The following SAMD12 variants were observed in gnomAD, a reference collection of about 807,000 sequenced individuals.
SAMD12 encodes the protein sterile alpha motif domain-containing protein 12.
A neutral mutation model predicts 15.0 loss-of-function variants in SAMD12; 9 were observed. The observed-to-expected ratio is 0.60, with a 90% CI of 0.36 to 1.05. The LOEUF (loss-of-function observed/expected upper bound fraction) is 1.05, where lower values mean the gene tolerates loss of function less well. Among genes scored for constraint, SAMD12 ranks in the 50% least tolerant of loss-of-function variants. The pLI is 0.01. For synonymous variants in SAMD12, 86 were observed against 90.1 expected (o/e 0.96, Z 0.25); for missense variants, 230 against 234.2 (o/e 0.98, Z 0.12).
intron 2 of SAMD12, among the ~76,000 whole-genome samples, chr8:118,450,828 A>C (rs1407503103): frequency 6.6e-6 from 1 of 152,104 alleles, no homozygotes; most frequent in African/African-American, 2.4e-5. Flanking sequence ...GGTTTCTGAG[A>C]TATATTTCCA....
intron 2 of SAMD12, among the ~76,000 whole-genome samples, chr8:118,455,160 G>A (rs908841388): frequency 1.3e-5 from 2 of 152,022 alleles, no homozygotes; most frequent in South Asian, 4.2e-4. Flanking sequence ...GCTAATTCCA[G>A]TGTTACTTCT....
chr8:118,432,813 AG>A (rs1410284860), intron 3 of SAMD12, among the ~76,000 whole-genome samples: 1 of 152,118 alleles, frequency 6.6e-6, no homozygotes, highest in Non-Finnish European at 1.5e-5. Flanking sequence ...TTAGAGGAGG[AG>A]GGAGTATAGG....
At chr8:118,430,716 AAT>A (rs528806478) in intron 3 of SAMD12, among the ~76,000 whole-genome samples, 233 of 152,264 alleles carry the variant, frequency 1.5e-3, no homozygotes, top group Non-Finnish European at 2.4e-3. Context: ...GTCTCAACTC[AAT>A]ATAACTACTA....
At chr8:118,255,088 T>C (rs1812903655) in intron 4 of SAMD12, among the ~76,000 whole-genome samples, 1 of 151,882 alleles carries the variant, frequency 6.6e-6, no homozygotes, top group Admixed American at 6.6e-5. Context: ...TTCAAATCCA[T>C]AGCTTAAGCC....
chr8:118,295,807 C>G (rs1319275687), intron 4 of SAMD12: 1 of 152,016 alleles, frequency 6.6e-6, no homozygotes, highest in Non-Finnish European at 1.5e-5. Flanking sequence ...GTTACCCAAT[C>G]ATGTTAATTT....
In SAMD12 at chr8:118,476,055, C is replaced by T. The variant is rs139563723; in HGVS notation, c.193-36094G>A. 1.9e-3 allele frequency among the ~76,000 whole-genome samples: 285 copies of T among 152,188 alleles called. 1 individual carries two copies. The highest frequency in any genetic ancestry group is 6.5e-3 in the African/African-American group (270 of 41,500). Reference sequence around the variant, plus strand: ...ATCTGCTACATGGTATCCTAAATACCATGGGTTTGCAAAGGCTGTGCTTGG... The same window carrying T: ...ATCTGCTACATGGTATCCTAAATACTATGGGTTTGCAAAGGCTGTGCTTGG... On this transcript the variant is annotated intron_variant, in intron 2 of 3. Transcript: ENST00000314727.
intron 4 of SAMD12, among the ~76,000 whole-genome samples, chr8:118,230,909 A>G (rs1340081918): frequency 2.0e-5 from 3 of 152,138 alleles, no homozygotes; most frequent in African/African-American, 7.2e-5. Context: ...TCCAAGTGCA[A>G]TGGAAAGCCA....
chr8:118,473,203 G>A (rs1823855600), intron 2 of SAMD12, among the ~76,000 whole-genome samples: 1 of 152,158 alleles, frequency 6.6e-6, no homozygotes, highest in Non-Finnish European at 1.5e-5. Flanking sequence ...CATCAGCTCT[G>A]AGCCAGGCTC....
chr8:118,185,444 C>T (rs1463086538), downstream of SAMD12, among the ~76,000 whole-genome samples: 2 of 152,114 alleles, frequency 1.3e-5, no homozygotes, highest in African/African-American at 4.8e-5. Flanking sequence ...GGCTTTGCAT[C>T]CTCATAGCTT....
intron 4 of SAMD12, among the ~76,000 whole-genome samples, chr8:118,276,084 A>C (rs949171680): frequency 2.0e-5 from 3 of 152,206 alleles, no homozygotes; most frequent in African/African-American, 7.2e-5. Context: ...CCAGAACATG[A>C]TTAATTTTTA....
At chr8:118,280,726 G>T (rs1813604912) in intron 4 of SAMD12, among the ~76,000 whole-genome samples, 1 of 152,146 alleles carries the variant, frequency 6.6e-6, no homozygotes, top group Non-Finnish European at 1.5e-5. Context: ...CACATAGATG[G>T]TAATGATTTT....
In SAMD12 at chr8:118,379,033, A is replaced by ATAG. The variant is rs1307813445; in HGVS notation, c.*381_*383dup. ...GTGTGTGTGTATAATACATTCATGT[A>ATAG]TAGTAATACATATCTAAAATGTTTT... On this transcript the variant is annotated 3_prime_UTR_variant, in exon 4 of 4. Transcript: ENST00000314727. 5 of 1,018,688 alleles carry ATAG rather than the reference A, an allele frequency of 4.9e-6. No homozygotes were observed. The highest frequency in any genetic ancestry group is 5.9e-6 in the Non-Finnish European group (5 of 847,064). The allele number at this position is 1,018,688 out of a possible 1,614,324, so 63.1% of individuals were successfully genotyped here.
intron 2 of SAMD12, among the ~76,000 whole-genome samples, chr8:118,458,256 T>A (rs1005106192): frequency 1.3e-5 from 2 of 152,240 alleles, no homozygotes; most frequent in African/African-American, 4.8e-5. Flanking sequence ...TTTCATTTTT[T>A]AATTCCATTT....
intron 2 of SAMD12, among the ~76,000 whole-genome samples, chr8:118,494,755 C>T (rs1322473311): frequency 6.6e-6 from 1 of 152,084 alleles, no homozygotes; most frequent in Non-Finnish European, 1.5e-5. Flanking sequence ...TCTTTTAATT[C>T]TTTGTGTACT....
At chr8:118,437,186 C>T (rs9297587) in intron 3 of SAMD12, among the ~76,000 whole-genome samples, 72,433 of 152,024 alleles carry the variant, frequency 0.48, 18,530 homozygotes, top group Admixed American at 0.59. Flanking sequence ...GCTGAAGTCC[C>T]GAAAGCTATT....
At chr8:118,340,264 G>A (rs990109546) in intron 4 of SAMD12, among the ~76,000 whole-genome samples, 1 of 152,156 alleles carries the variant, frequency 6.6e-6, no homozygotes, top group Non-Finnish European at 1.5e-5. Flanking sequence ...AGATGAATGG[G>A]AGCTGCCTTT....
rs185359663 is a variant in SAMD12 at position 118,221,069 on chromosome 8, G to A, written c.434-23337C>T. 3.5e-3 allele frequency among the ~76,000 whole-genome samples: 527 copies of A among 152,200 alleles called. 2 individuals are homozygous for A. Among genetic ancestry groups the A allele is most frequent in the African/African-American group, 0.011 (465 of 41,520 alleles). ...TTCTTGAAGTTAAATTAGGATGAAA[G>A]GAGTGCCTATGAGAAATTAGATATT... On this transcript the variant is annotated intron_variant, in intron 4 of 4. Coordinates refer to the SAMD12 transcript ENST00000409003.
At chr8:118,585,513 C>G (rs1439786481) in intron 1 of SAMD12, among the ~76,000 whole-genome samples, 1 of 152,150 alleles carries the variant, frequency 6.6e-6, no homozygotes, top group Non-Finnish European at 1.5e-5. Flanking sequence ...TTTAACTTCC[C>G]TAATACCTCC....
chr8:118,555,629 A>T (rs1235186290), intron 2 of SAMD12, among the ~76,000 whole-genome samples: 3 of 152,250 alleles, frequency 2.0e-5, no homozygotes, highest in Non-Finnish European at 2.9e-5. Context: ...AAAAATATTC[A>T]TATCATAAAA....
Sources: gnomAD v4.1 joint callset for allele counts (sites outside exome capture counted in the v4.1 genomes callset) on GRCh38, gnomAD v4.1.1 for gene constraint, MANE v1.5 for transcripts, NCBI Gene and HGNC (gene_info 2026-07-23, HGNC 2026-07-21) for gene names.